The following GSK3B variants were observed in gnomAD, a reference collection of about 807,000 sequenced individuals.
GSK3B encodes glycogen synthase kinase 3 beta, also known as glycogen synthase kinase-3 beta.
In GSK3B, 15 loss-of-function variants were observed where a neutral mutation model predicts 56.4. The ratio of observed to expected loss-of-function variants is 0.27; its 90% confidence interval spans 0.18 to 0.41. The LOEUF is 0.41. GSK3B is among the 10% of genes least tolerant of loss of function. The pLI is 1.00. For synonymous variants in GSK3B, 181 were observed against 188.9 expected (o/e 0.96, Z 0.34); for missense variants, 300 against 513.4 (o/e 0.58, Z 4.02).
intron 1 of GSK3B, among the ~76,000 whole-genome samples, chr3:120,092,337 A>C (rs79802317): frequency 0.011 from 1,628 of 152,328 alleles, 14 homozygotes; most frequent in Non-Finnish European, 0.017. Flanking sequence ...CATCTGCAAA[A>C]GCCAAAATGG....
At chr3:120,008,281 A>G (rs563337024) in intron 1 of GSK3B, among the ~76,000 whole-genome samples, 50 of 152,362 alleles carry the variant, frequency 3.3e-4, no homozygotes, top group African/African-American at 1.2e-3. Flanking sequence ...GGAAGAATCA[A>G]TATCGTGAAA....
At chr3:119,850,311 A>C (rs2055912398) in intron 9 of GSK3B, among the ~76,000 whole-genome samples, 3 of 152,200 alleles carry the variant, frequency 2.0e-5, no homozygotes, top group Non-Finnish European at 4.4e-5. Flanking sequence ...AAAATGAACA[A>C]TCACTACTAC....
intron 7 of GSK3B, among the ~76,000 whole-genome samples, chr3:119,877,159 T>A (rs547144956): frequency 2.4e-4 from 36 of 152,272 alleles, no homozygotes; most frequent in Non-Finnish European, 4.0e-4. Flanking sequence ...TCAAAAATAT[T>A]CAAGTAAAAA....
intron 10 of GSK3B, 75 bp from the exon 11 acceptor site, chr3:119,826,930 A>T: frequency 1.1e-6 from 1 of 906,440 alleles, no homozygotes; most frequent in Non-Finnish European, 1.8e-6. Context: ...CACTGTTTCA[A>T]CTGCAGGCTG....
intron 2 of GSK3B, among the ~76,000 whole-genome samples, chr3:119,949,887 T>G (rs540851716): frequency 6.6e-6 from 1 of 151,858 alleles, no homozygotes; most frequent in Admixed American, 6.6e-5. Flanking sequence ...ATCTATTAAG[T>G]TTTTTTTAAC....
chr3:119,851,768 T>G (rs763275480), intron 9 of GSK3B, among the ~76,000 whole-genome samples: 15 of 152,236 alleles, frequency 9.9e-5, no homozygotes, highest in East Asian at 3.8e-4. Flanking sequence ...ACCAGGCCTC[T>G]TATTACATAT....
At chr3:119,873,884 C>T (rs771556632) in intron 8 of GSK3B, among the ~76,000 whole-genome samples, 19 of 152,044 alleles carry the variant, frequency 1.2e-4, no homozygotes, top group Non-Finnish European at 2.2e-4. Context: ...AAACACCAGA[C>T]GAATGAAAGG....
chr3:120,034,874 A>T (rs1171342612), intron 1 of GSK3B, among the ~76,000 whole-genome samples: 1 of 152,184 alleles, frequency 6.6e-6, no homozygotes, highest in African/African-American at 2.4e-5. Context: ...CAAGTAGGGC[A>T]GATCACTTGA....
chr3:119,893,595 T>A (rs1435082738), intron 7 of GSK3B, among the ~76,000 whole-genome samples: 1 of 152,056 alleles, frequency 6.6e-6, no homozygotes, highest in African/African-American at 2.4e-5. Context: ...AGTAAACAAT[T>A]TGGGTAAAGT....
At chr3:119,895,994 G>C (rs1000683603) in intron 7 of GSK3B, among the ~76,000 whole-genome samples, 3 of 152,016 alleles carry the variant, frequency 2.0e-5, no homozygotes, top group Middle Eastern at 6.8e-3. Context: ...CAGGCATGGT[G>C]GTGTGTGCCT....
chr3:119,855,589 T>A lies in GSK3B; in HGVS notation c.1096+7830A>T, dbSNP rs546506508. On this transcript the variant is annotated intron_variant, in intron 9 of 10. Transcript: ENST00000264235. Reference sequence around the variant, plus strand: ...GACTTGGAACCAACCCAAATGTCCATCAATGATAGACTGGATTAAGAAAAT... The same window carrying A: ...GACTTGGAACCAACCCAAATGTCCAACAATGATAGACTGGATTAAGAAAAT... Among the ~76,000 whole-genome samples the A allele has an allele frequency of 1.5e-4, 23 of 152,266 alleles. No individual in the cohort carries two copies. The South Asian group carries it at 4.6e-3, about 30-fold the overall frequency.
intron 1 of GSK3B, among the ~76,000 whole-genome samples, chr3:120,012,654 C>T (rs1230169522): frequency 1.3e-5 from 2 of 152,180 alleles, no homozygotes. Context: ...CAATCACTTT[C>T]TATTGAAGGC....
chr3:120,090,241 A>G (rs2058499493), intron 1 of GSK3B, among the ~76,000 whole-genome samples: 2 of 152,232 alleles, frequency 1.3e-5, no homozygotes, highest in African/African-American at 4.8e-5. Context: ...AAAAAAAAAA[A>G]AAATTAGGAC....
At chr3:119,972,868 C>T (rs2057380002) in intron 2 of GSK3B, among the ~76,000 whole-genome samples, 1 of 152,018 alleles carries the variant, frequency 6.6e-6, no homozygotes, top group South Asian at 2.1e-4. Context: ...AAAACAATAA[C>T]AAAAAACAGT....
chr3:120,088,824 A>G (rs2107585496), intron 1 of GSK3B, among the ~76,000 whole-genome samples: 1 of 152,344 alleles, frequency 6.6e-6, no homozygotes, highest in Middle Eastern at 3.4e-3. Flanking sequence ...GTGGAGCATC[A>G]CAAGAAGCAC....
chr3:119,863,083 T>A (rs368768789), intron 9 of GSK3B, among the ~76,000 whole-genome samples: 2 of 152,244 alleles, frequency 1.3e-5, no homozygotes, highest in African/African-American at 4.8e-5. Context: ...AATGCTACTA[T>A]TTTGTTTCAG....
At chr3:120,033,001 T>C (rs932315437) in intron 1 of GSK3B, among the ~76,000 whole-genome samples, 30 of 152,210 alleles carry the variant, frequency 2.0e-4, no homozygotes, top group Non-Finnish European at 3.5e-4. Flanking sequence ...ACCTCTTAGG[T>C]GTCATCCCCC....
Position 120,029,247 on chromosome 3 carries a change from T to C in GSK3B, c.89-27008A>G, listed in dbSNP as rs1233633034. On this transcript the variant is annotated intron_variant, in intron 1 of 10. Transcript: ENST00000264235. ...ATGGCCACCAGACTATGACAGGTTA[T>C]CACAGCTGCAAATGAATGTCTTTGT... is the stretch of plus-strand genomic sequence containing the variant. 1.1e-5 allele frequency: 8 copies of C among 718,180 alleles called. No homozygotes were observed. The African/African-American group carries it at 1.4e-4, about 13-fold the overall frequency. The allele number at this position is 718,180 out of a possible 1,614,324, so 44.5% of individuals were successfully genotyped here. A position where few individuals can be genotyped will look rare whatever the true frequency, so the allele number is the denominator to read the frequency against.
At chr3:119,887,893 C>T (rs988328114) in intron 7 of GSK3B, among the ~76,000 whole-genome samples, 5 of 152,038 alleles carry the variant, frequency 3.3e-5, no homozygotes, top group African/African-American at 1.2e-4. Flanking sequence ...AGGGTATCAA[C>T]AGTTGACTTC....
Sources: allele counts gnomAD v4.1 joint callset (sites outside exome capture counted in the v4.1 genomes callset), GRCh38; gene constraint gnomAD v4.1.1; transcripts MANE v1.5; gene names NCBI Gene and HGNC (gene_info 2026-07-23, HGNC 2026-07-21).